Variants in LPP observed in about 807,000 individuals in gnomAD.
LPP encodes LIM domain containing preferred translocation partner in lipoma.
A neutral mutation model predicts 60.4 loss-of-function variants in LPP; 38 were observed. The ratio of observed to expected loss-of-function variants is 0.63; its 90% confidence interval spans 0.49 to 0.83. The LOEUF is 0.83. LPP is among the 40% of genes least tolerant of loss of function. The pLI, the probability that LPP is intolerant of heterozygous loss-of-function variation, is 0.00. For synonymous variants in LPP, 328 were observed against 290.8 expected, an observed-to-expected ratio of 1.13 and a Z score of -1.30; for missense variants, 902 against 783.6, an observed-to-expected ratio of 1.15 and a Z score of -1.80.
intron 4 of LPP, among the ~76,000 whole-genome samples, chr3:188,441,272 C>A (rs1159983442): frequency 6.6e-6 from 1 of 152,104 alleles, no homozygotes; most frequent in Non-Finnish European, 1.5e-5. Flanking sequence ...CAAAGTCCTA[C>A]AACAGTAATC....
intron 9 of LPP, among the ~76,000 whole-genome samples, chr3:188,838,409 A>G (rs1164526306): frequency 6.6e-6 from 1 of 152,182 alleles, no homozygotes; most frequent in Non-Finnish European, 1.5e-5. Context: ...GGTCCTAAAC[A>G]TTTGACATAA....
chr3:188,561,860 T>C (rs1830757745), intron 6 of LPP, among the ~76,000 whole-genome samples: 1 of 152,056 alleles, frequency 6.6e-6, no homozygotes, highest in Non-Finnish European at 1.5e-5. Flanking sequence ...GAGGGAGACA[T>C]TCCAGAAGAG....
At chr3:188,335,361 C>A (rs1288363860) in intron 2 of LPP, among the ~76,000 whole-genome samples, 1 of 152,156 alleles carries the variant, frequency 6.6e-6, no homozygotes, top group Non-Finnish European at 1.5e-5. Flanking sequence ...GTTAAACTAT[C>A]CTTGTATCCC....
At chr3:188,313,636 C>CAA (rs57034070) in intron 2 of LPP, among the ~76,000 whole-genome samples, 1 of 114,918 alleles carries the variant, frequency 8.7e-6, no homozygotes, top group Non-Finnish European at 1.9e-5. Context: ...GACTCCGTCT[C>CAA]AAAAAAAAAA....
At chr3:188,315,060 C>T (rs1205360945) in intron 2 of LPP, among the ~76,000 whole-genome samples, 3 of 147,486 alleles carry the variant, frequency 2.0e-5, no homozygotes, top group African/African-American at 7.6e-5. Flanking sequence ...AATGTGTTTG[C>T]TCTTTAAAAT....
chr3:188,207,798 T>C (rs978532051), intron 1 of LPP, among the ~76,000 whole-genome samples: 2 of 152,052 alleles, frequency 1.3e-5, no homozygotes, highest in African/African-American at 4.8e-5. Flanking sequence ...CCTTCATCTG[T>C]GCCCCCCTGC....
At chr3:188,459,302 G>A (rs1798459671) in intron 4 of LPP, among the ~76,000 whole-genome samples, 1 of 152,092 alleles carries the variant, frequency 6.6e-6, no homozygotes, top group South Asian at 2.1e-4. Context: ...AACAACTTAT[G>A]TGCTTAATTT....
chr3:188,582,154 CTTTTTTTTTT>C (rs10565240), intron 6 of LPP, among the ~76,000 whole-genome samples: 5 of 102,248 alleles, frequency 4.9e-5, no homozygotes, highest in African/African-American at 1.2e-4. Context: ...TTTTCTTTTT[CTTTTTTTTTT>C]TTTTTTTTTT....
chr3:188,775,147 G>T (rs931238871), intron 9 of LPP, among the ~76,000 whole-genome samples: 6 of 150,390 alleles, frequency 4.0e-5, no homozygotes, highest in Non-Finnish European at 8.8e-5. Flanking sequence ...CCACCTCCCA[G>T]ATTCAAGCGA....
At chr3:188,209,152 C>G (rs977908746) in intron 1 of LPP, among the ~76,000 whole-genome samples, 2 of 152,182 alleles carry the variant, frequency 1.3e-5, no homozygotes, top group East Asian at 1.9e-4. Flanking sequence ...AGAATTGGAA[C>G]TGGAGTCTCC....
intron 2 of LPP, among the ~76,000 whole-genome samples, chr3:188,248,849 T>C (rs1304217022): frequency 6.6e-6 from 1 of 152,146 alleles, no homozygotes; most frequent in Non-Finnish European, 1.5e-5. Flanking sequence ...TTTTTAAAAA[T>C]TGATGCTAGC....
intron 7 of LPP, among the ~76,000 whole-genome samples, chr3:188,650,900 C>G (rs1283485572): frequency 1.3e-5 from 2 of 152,268 alleles, no homozygotes; most frequent in Non-Finnish European, 2.9e-5. Context: ...TACTTGGTGG[C>G]ATTGACTAGT....
Position 188,574,908 on chromosome 3 carries a change from G to A in LPP, c.430-34253G>A, listed in dbSNP as rs1260420688. Among the ~76,000 whole-genome samples, 8 of 151,908 alleles carry A rather than the reference G, an allele frequency of 5.3e-5. No individual in the cohort carries two copies. In the East Asian group the frequency reaches 1.6e-3, roughly 29 times the overall value. On this transcript the variant is annotated intron_variant, in intron 6 of 11. Coordinates refer to ENST00000617246, the MANE Select transcript of LPP (RefSeq NM_001375462.1). ...TTTTCTGTCTTTTTTTTCATTCAGA[G>A]GCAAAATTTCCCCCTTTTTTTCATC...
At position 188,613,259 on chromosome 3, in the gene LPP, T is replaced by C. The variant is rs544301098; in HGVS notation, c.1113+3415T>C. On this transcript the variant is annotated intron_variant, in intron 7 of 11. Transcript: ENST00000617246. ...TGTGCATTTTATATATCTATATCTATACCTATATCTATATCTATATCTATA... is the reference window on the plus strand; with the variant it reads ...TGTGCATTTTATATATCTATATCTACACCTATATCTATATCTATATCTATA... Among the ~76,000 whole-genome samples the C allele has an allele frequency of 1.7e-4, 24 of 140,796 alleles. 1 individual carries two copies. In the South Asian group the frequency reaches 3.2e-3, roughly 19 times the overall value. 92.4% of individuals were successfully genotyped at this position (140,796 alleles called of 152,430 possible).
rs1450772232 is a variant in LPP, at chr3:188,402,741, G to T, written c.-9-3371G>T. On this transcript the variant is annotated intron_variant, in intron 3 of 11. Transcript: ENST00000617246. ...TGTGCCGGTATAGTGAGACTAGTTG[G>T]AGTTTCCAACTTGTTGGGACATGTA... is the stretch of plus-strand genomic sequence containing the variant. 2.0e-5 allele frequency among the ~76,000 whole-genome samples: 3 copies of T among 152,230 alleles called. No homozygotes were observed. The East Asian group carries it at 5.8e-4, about 29-fold the overall frequency.
intron 9 of LPP, among the ~76,000 whole-genome samples, chr3:188,809,651 G>A (rs1750296405): frequency 1.3e-5 from 2 of 152,224 alleles, no homozygotes; most frequent in South Asian, 4.1e-4. Flanking sequence ...TCTGATGATA[G>A]TTTATTTTGC....
chr3:188,384,532 C>T (rs1184714468), intron 3 of LPP, among the ~76,000 whole-genome samples: 1 of 152,104 alleles, frequency 6.6e-6, no homozygotes, highest in African/African-American at 2.4e-5. Context: ...TGGCTCACGC[C>T]TGTAATCCCA....
intron 9 of LPP, among the ~76,000 whole-genome samples, chr3:188,800,668 G>C (rs1008263743): frequency 6.6e-6 from 1 of 152,062 alleles, no homozygotes; most frequent in South Asian, 2.1e-4. Context: ...CTTTTCAATG[G>C]TATGTAAGAA....
At chr3:188,333,103 A>G (rs1035626983) in intron 2 of LPP, among the ~76,000 whole-genome samples, 3 of 152,164 alleles carry the variant, frequency 2.0e-5, no homozygotes, top group African/African-American at 7.2e-5. Context: ...AAATAATCTC[A>G]TGATAGTAGA....
Sources: allele counts gnomAD v4.1 joint callset (sites outside exome capture counted in the v4.1 genomes callset), GRCh38; gene constraint gnomAD v4.1.1; transcripts MANE v1.5; gene names NCBI Gene and HGNC (gene_info 2026-07-23, HGNC 2026-07-21).